The following MRPS33 variants were observed in gnomAD, a reference collection of about 807,000 sequenced individuals.
MRPS33 encodes the protein small ribosomal subunit protein mS33.
A neutral mutation model predicts 11.2 loss-of-function variants in MRPS33; 11 were observed. The observed-to-expected ratio is 0.99, with a 90% CI of 0.62 to 1.63. MRPS33 has a LOEUF of 1.63. Among genes scored for constraint, MRPS33 ranks in the 40% most tolerant of loss-of-function variants. MRPS33 has a pLI of 0.00. For missense variants in MRPS33, 109 were observed against 127.8 expected, an observed-to-expected ratio of 0.85 and a Z score of 0.71; for synonymous variants, 46 against 44.0, an observed-to-expected ratio of 1.05 and a Z score of -0.18.
rs1820646379 is a variant in MRPS33, at chr7:141,010,407, GTT to G, written c.215+10_215+11del. 3 of 1,613,156 alleles carry G rather than the reference GTT, an allele frequency of 1.9e-6. No individual in the cohort carries two copies. Among genetic ancestry groups the G allele is most frequent in the East Asian group, 4.5e-5 (2 of 44,866 alleles). On this transcript the variant is annotated intron_variant, in intron 2 of 2. Coordinates refer to ENST00000324787, the MANE Select transcript of MRPS33 (RefSeq NM_053035.3). Reference sequence around the variant, plus strand: ...AAGTCTCTCATAGGTCCCTCTTTGTGTTTGTCATCACCTGTAGAGTCCAAGAA... The same window carrying G: ...AAGTCTCTCATAGGTCCCTCTTTGTGTGTCATCACCTGTAGAGTCCAAGAA...
chr7:141,006,593 T>A, intron 2 of MRPS33, 58 bp from the exon 3 acceptor site: 1 of 1,399,986 alleles, frequency 7.1e-7, no homozygotes, highest in Non-Finnish European at 1.0e-6. Context: ...AAAAGTACAC[T>A]AATCTAGCAC....
chr7:141,006,507 G>A lies in MRPS33; in HGVS notation c.244C>T (p.Gln82Ter). 1 of 1,613,750 alleles carries A rather than the reference G, an allele frequency of 6.2e-7. No individual in the cohort carries two copies. The highest frequency in any genetic ancestry group is 8.5e-7 in the Non-Finnish European group (1 of 1,179,986). Residue 82 changes from glutamine (Q) to a stop codon, truncating the protein, a stop_gained, in exon 3 of 3, where the codon CAA becomes TAA. Coordinates refer to ENST00000324787, the MANE Select transcript of MRPS33 (RefSeq NM_053035.3). LOFTEE classifies it high-confidence loss of function. ...RDEHQDFMDE[Q>*]KRLKKLRGKE... ...CCACGAAGCTTCTTTAGTCGTTTTT[G>A]CTCATCCATAAAATCCTGATGCTCA...
At chr7:141,008,327 AT>A (rs1820585239) in intron 2 of MRPS33, among the ~76,000 whole-genome samples, 2 of 152,212 alleles carry the variant, frequency 1.3e-5, no homozygotes, top group Non-Finnish European at 2.9e-5. Context: ...ATGGGTTATA[AT>A]CTTCTCCTCA....
intron 1 of MRPS33, 67 bp from the exon 2 acceptor site, chr7:141,010,727 G>C (rs1239586176): frequency 2.5e-6 from 3 of 1,215,176 alleles, no homozygotes; most frequent in Non-Finnish European, 3.6e-6. Context: ...TAATGAATAA[G>C]TTAGAAAATG....
At chr7:141,009,333 T>C (rs1322704267) in intron 2 of MRPS33, among the ~76,000 whole-genome samples, 2 of 151,928 alleles carry the variant, frequency 1.3e-5, no homozygotes, top group East Asian at 1.9e-4. Context: ...GGTTTCACCA[T>C]GTTGGCCAGG....
In MRPS33 at chr7:141,006,240, G is replaced by A; in HGVS notation, c.*190C>T. On this transcript the variant is annotated 3_prime_UTR_variant, in exon 3 of 3. Coordinates refer to ENST00000324787, the MANE Select transcript of MRPS33 (RefSeq NM_053035.3). ...ACACGGCCAAGGCCAAGATAATTTT[G>A]CACAGTTAGAATGTGTTCAAGAAAC... 5.1e-6 allele frequency: 3 copies of A among 585,854 alleles called. No individual in the cohort carries two copies. The South Asian group carries it at 6.5e-5, about 13-fold the overall frequency. 36.3% of individuals were successfully genotyped at this position (585,854 alleles called of 1,614,324 possible). A position where few individuals can be genotyped will look rare whatever the true frequency, so the allele number is the denominator to read the frequency against.
In MRPS33 at chr7:141,002,692, T is replaced by A. The variant is rs1223534705; in HGVS notation, c.*3738A>T. On this transcript the variant is annotated 3_prime_UTR_variant, in exon 3 of 3. Transcript: ENST00000324787. ...TGGTTATATATGTTTAAATATATGA[T>A]GCCTTATGTTTATTTTGAAACACAC... 4.8e-6 allele frequency: 1 copy of A among 206,706 alleles called. No individual in the cohort carries two copies. Among genetic ancestry groups the A allele is most frequent in the African/African-American group, 2.3e-5 (1 of 42,982 alleles). 12.8% of individuals were successfully genotyped at this position (206,706 alleles called of 1,614,324 possible).
chr7:141,005,101 C>T lies in MRPS33; in HGVS notation c.*1329G>A, dbSNP rs1037023840. On this transcript the variant is annotated 3_prime_UTR_variant, in exon 3 of 3. Coordinates refer to ENST00000324787, the MANE Select transcript of MRPS33 (RefSeq NM_053035.3). ...TGCTGGAATACAATAAAACCAGCAG[C>T]GAGCTACTCAAATCTATACAACAGT... 5 of 152,204 alleles carry T rather than the reference C, an allele frequency of 3.3e-5. No individual in the cohort carries two copies. Among genetic ancestry groups the T allele is most frequent in the African/African-American group, 4.8e-5 (2 of 41,436 alleles). 9.4% of individuals were successfully genotyped at this position (152,204 alleles called of 1,614,324 possible). A position where few individuals can be genotyped will look rare whatever the true frequency, so the allele number is the denominator to read the frequency against.
chr7:141,012,822 C>T (rs934127862), intron 1 of MRPS33, among the ~76,000 whole-genome samples: 2 of 152,116 alleles, frequency 1.3e-5, no homozygotes, highest in Non-Finnish European at 2.9e-5. Flanking sequence ...ATTCCTGAGG[C>T]CTAGGTTTGA....
chr7:141,010,164 A>G, intron 2 of MRPS33: 1 of 440,990 alleles, frequency 2.3e-6, no homozygotes. Flanking sequence ...TCTACAGCTC[A>G]GTATCTATTC....
rs772115182 is a variant in MRPS33 at position 141,010,594 on chromosome 7, G to A, written c.40C>T (p.Leu14Phe). 6.2e-7 allele frequency: 1 copy of A among 1,614,242 alleles called. No homozygotes were observed. The highest frequency in any genetic ancestry group is 8.5e-7 in the Non-Finnish European group (1 of 1,180,048). The change falls in exon 2 of 3, where the codon CTC (leucine) becomes TTC (phenylalanine). Residue 14 changes from leucine to phenylalanine, a missense_variant. Coordinates refer to ENST00000324787, the MANE Select transcript of MRPS33 (RefSeq NM_053035.3). Reference protein sequence around the residue: ...LSEYAFRMSRLSARLFGEVTR... With the variant: ...LSEYAFRMSRFSARLFGEVTR... ...ACTTCACCAAATAGCCGGGCACTGA[G>A]ACGAGACATGCGGAAGGCATATTCT...
At chr7:141,006,711 C>T (rs573997439) in intron 2 of MRPS33, among the ~76,000 whole-genome samples, 176 bp from the exon 3 acceptor site, 3 of 152,284 alleles carry the variant, frequency 2.0e-5, no homozygotes, top group East Asian at 1.9e-4. Flanking sequence ...CACAGAGATG[C>T]GGTGTATTCC....
At chr7:141,009,793 T>C in intron 2 of MRPS33, 1 of 151,180 alleles carries the variant, frequency 6.6e-6, no homozygotes, top group Non-Finnish European at 1.5e-5. Context: ...GACCAGTTTT[T>C]CTCTGCATTG....
rs1820523536 is a variant in MRPS33, at chr7:141,006,320, A to G, written c.*110T>C. 5.3e-6 allele frequency: 5 copies of G among 951,244 alleles called. No homozygotes were observed. Among genetic ancestry groups the G allele is most frequent in the African/African-American group, 3.3e-5 (2 of 60,952 alleles). The allele number at this position is 951,244 out of a possible 1,614,324, so 58.9% of individuals were successfully genotyped here. On this transcript the variant is annotated 3_prime_UTR_variant, in exon 3 of 3. Coordinates refer to ENST00000324787, the MANE Select transcript of MRPS33 (RefSeq NM_053035.3). ...CCAAGGAGATGACTGTGTTCCTCCA[A>G]ATAAACTTCATTTAGGAAGATGACA...
rs1315093815 is a variant in MRPS33 at position 141,006,484 on chromosome 7, A to C, written c.267T>G (p.Arg89=). Residue 89 remains arginine (R), a synonymous_variant, in exon 3 of 3, where the codon CGT becomes CGG. Transcript: ENST00000324787. ...MDEQKRLKKL[R]GKEKPKKGEG... ...CTCCTTTCTTTGGTTTCTCCTTTCC[A>C]CGAAGCTTCTTTAGTCGTTTTTGCT... 3.1e-6 allele frequency: 5 copies of C among 1,613,970 alleles called. No individual in the cohort carries two copies. In the South Asian group the frequency reaches 5.5e-5, roughly 18 times the overall value.
rs1820444982 is a variant in MRPS33, at chr7:141,003,116, CTA to C, written c.*3312_*3313del. On this transcript the variant is annotated 3_prime_UTR_variant, in exon 3 of 3. Coordinates refer to ENST00000324787, the MANE Select transcript of MRPS33 (RefSeq NM_053035.3). ...TTGAATCTAAAACCCAGTCTTTTTA[CTA>C]TGTTATGCTGAAATCGAGGGCAAAA... 2 of 152,212 alleles carry C rather than the reference CTA, an allele frequency of 1.3e-5. No individual in the cohort carries two copies. Among genetic ancestry groups the C allele is most frequent in the Non-Finnish European group, 2.9e-5 (2 of 68,060 alleles). The allele number at this position is 152,212 out of a possible 1,614,324, so 9.4% of individuals were successfully genotyped here.
At chr7:141,012,172 T>TGAAAAAAAAAA (rs1302725022) in intron 1 of MRPS33, among the ~76,000 whole-genome samples, 1 of 4,820 alleles carries the variant, frequency 2.1e-4, no homozygotes, top group Non-Finnish European at 3.7e-4. Flanking sequence ...AGATTGTGTG[T>TGAAAAAAAAAA]CAAAAAAAAA....
chr7:141,010,649 G>C lies in MRPS33; in HGVS notation c.-16C>G. On this transcript the variant is annotated 5_prime_UTR_variant, in exon 2 of 3. Coordinates refer to ENST00000324787, the MANE Select transcript of MRPS33 (RefSeq NM_053035.3). ...GGGAGGACATTTCTTGAGTGGCAAG[G>C]AGTTAGAGTTCCTATTGAAAATGAG... is the stretch of plus-strand genomic sequence containing the variant. 2 of 1,606,136 alleles carry C rather than the reference G, an allele frequency of 1.2e-6. No homozygotes were observed. The highest frequency in any genetic ancestry group is 1.7e-6 in the Non-Finnish European group (2 of 1,172,962).
chr7:141,004,691 TA>T lies in MRPS33; in HGVS notation c.*1738del, dbSNP rs1262675851. 6.6e-6 allele frequency: 1 copy of T among 152,200 alleles called. No homozygotes were observed. The highest frequency in any genetic ancestry group is 6.5e-5 in the Admixed American group (1 of 15,282). 9.4% of individuals were successfully genotyped at this position (152,200 alleles called of 1,614,324 possible). ...TTTTACTACAATAATAAAAAGTTAT[TA>T]AAAAATTACTGGACATGCTAAAGAT... On this transcript the variant is annotated 3_prime_UTR_variant, in exon 3 of 3. Coordinates refer to ENST00000324787, the MANE Select transcript of MRPS33 (RefSeq NM_053035.3).
Sources: gnomAD v4.1 joint callset for allele counts (sites outside exome capture counted in the v4.1 genomes callset) on GRCh38, gnomAD v4.1.1 for gene constraint, MANE v1.5 for transcripts, NCBI Gene and HGNC (gene_info 2026-07-23, HGNC 2026-07-21) for gene names.